COL11A2: variants seen among roughly 807,000 people sequenced by gnomAD.
The protein encoded by COL11A2 is collagen alpha-2(XI) chain.
A neutral mutation model predicts 273.4 loss-of-function variants in COL11A2; 116 were observed. The observed-to-expected ratio is 0.42, with a 90% CI of 0.36 to 0.49. COL11A2 has a LOEUF of 0.49. Among genes scored for constraint, COL11A2 ranks in the 20% least tolerant of loss-of-function variants. The pLI, the probability that COL11A2 is intolerant of heterozygous loss-of-function variation, is 0.00. For synonymous variants in COL11A2, 782 were observed against 864.2 expected, an observed-to-expected ratio of 0.90 and a Z score of 1.67; for missense variants, 1,866 against 2,309.0, an observed-to-expected ratio of 0.81 and a Z score of 3.93.
At position 33,166,066 on chromosome 6, in the gene COL11A2, T is replaced by G. The variant is rs1360761368; in HGVS notation, c.4429-82A>C. The G allele has an allele frequency of 1.2e-6, 2 of 1,606,390 alleles. No individual in the cohort carries two copies. Among genetic ancestry groups the G allele is most frequent in the Non-Finnish European group, 1.7e-6 (2 of 1,174,808 alleles). On this transcript the variant is annotated intron_variant, in intron 61 of 65. Coordinates refer to ENST00000341947, the MANE Select transcript of COL11A2 (RefSeq NM_080680.3). This position sits in a 1 kb window ranked among gnomAD's most constrained non-coding sequence, Gnocchi z 4.8. Reference sequence around the variant, plus strand: ...TCACAGAAAGATCAAATCAGCCTCCTGGCTGGAATAAGGGGCTCCTTGGGG... The same window carrying G: ...TCACAGAAAGATCAAATCAGCCTCCGGGCTGGAATAAGGGGCTCCTTGGGG...
Position 33,166,101 on chromosome 6 carries a change from T to C in COL11A2, c.4428+70A>G. The C allele has an allele frequency of 6.2e-7, 1 of 1,603,526 alleles. No homozygotes were observed. The highest frequency in any genetic ancestry group is 1.7e-5 in the Admixed American group (1 of 57,800). ...AAGGGGCTCCTTGGGGGGAGTCTAT[T>C]TGTCCTGGAGAGACATCATCAAGTC... On this transcript the variant is annotated intron_variant, in intron 61 of 65. Transcript: ENST00000341947. The surrounding 1 kb of genome is among the most constrained non-coding windows in gnomAD (Gnocchi z 4.8).
upstream of COL11A2, chr6:33,192,561 A>G: frequency 4.2e-6 from 2 of 473,582 alleles, no homozygotes; most frequent in Admixed American, 7.7e-5. Flanking sequence ...CACCGAAGGG[A>G]AACCCCACCC....
At position 33,178,965 on chromosome 6, in the gene COL11A2, T is replaced by A. The variant is rs376434760; in HGVS notation, c.1620A>T (p.Ala540=). ...GCATCCCTCGGGCTCCATCAGCACC[T>A]GCCCGGCCCTGGGAGAACAAGGGAA... ...PPGKAGRRGR[A]GADGARGMPG... Residue 540 remains alanine (A), a synonymous_variant, in exon 17 of 66, where the codon GCA becomes GCT. Coordinates refer to ENST00000341947, the MANE Select transcript of COL11A2 (RefSeq NM_080680.3). This position sits in a 1 kb window ranked among gnomAD's most constrained non-coding sequence, Gnocchi z 4.6. The A allele has an allele frequency of 6.2e-7, 1 of 1,614,058 alleles. No homozygotes were observed. The highest frequency in any genetic ancestry group is 8.5e-7 in the Non-Finnish European group (1 of 1,179,972).
In COL11A2 at chr6:33,178,121, G is replaced by C; in HGVS notation, c.1872+11C>G. The stretch of plus-strand genomic sequence containing the variant: ...GGTCACCTCAGGGTCAGAAGTCAGG[G>C]AGTCACTTACAGGGGGTCCAGGAAT... On this transcript the variant is annotated intron_variant, in intron 21 of 65. Transcript: ENST00000341947. The surrounding 1 kb of genome is among the most constrained non-coding windows in gnomAD (Gnocchi z 4.6). The C allele has an allele frequency of 6.2e-7, 1 of 1,606,596 alleles. No homozygotes were observed. The highest frequency in any genetic ancestry group is 8.5e-7 in the Non-Finnish European group (1 of 1,175,858).
intron 4 of COL11A2, among the ~76,000 whole-genome samples, chr6:33,188,071 G>A (rs1449337983): frequency 6.6e-6 from 1 of 151,890 alleles, no homozygotes; most frequent in Non-Finnish European, 1.5e-5. Flanking sequence ...TGAGGAGTGA[G>A]TGAATTGATG....
In COL11A2 at chr6:33,163,856, G is replaced by A. The variant is rs893527974; in HGVS notation, c.5071-38C>T. 29 of 1,612,702 alleles carry A rather than the reference G, an allele frequency of 1.8e-5. No individual in the cohort carries two copies. Among genetic ancestry groups the A allele is most frequent in the Non-Finnish European group, 2.5e-5 (29 of 1,179,874 alleles). ...ACAAGGAAGAAAGTGTGAGCAGGAT[G>A]GAGGCACCCCCCACCCTCTAACCTC... is the stretch of plus-strand genomic sequence containing the variant. On this transcript the variant is annotated intron_variant, in intron 65 of 65. Coordinates refer to ENST00000341947, the MANE Select transcript of COL11A2 (RefSeq NM_080680.3). The surrounding 1 kb of genome is among the most constrained non-coding windows in gnomAD (Gnocchi z 4.1).
rs191131813 is a variant in COL11A2 at position 33,170,214 on chromosome 6, G to A, written c.3582+112C>T. On this transcript the variant is annotated intron_variant, in intron 48 of 65. Transcript: ENST00000341947. The surrounding 1 kb of genome is among the most constrained non-coding windows in gnomAD (Gnocchi z 4.3). ...GCAGTGAGGCAGTGGAGGCCTCCCG[G>A]GAGTAAGGGCTTCTCTTGGCCCCTG... 5,308 of 1,572,974 alleles carry A rather than the reference G, an allele frequency of 3.4e-3. 105 individuals carry two copies. In the South Asian group the frequency reaches 0.037, roughly 11 times the overall value.
chr6:33,192,347 G>A lies in COL11A2; in HGVS notation c.-107C>T, dbSNP rs1773238255. 11 of 1,117,784 alleles carry A rather than the reference G, an allele frequency of 9.8e-6. No homozygotes were observed. Among genetic ancestry groups the A allele is most frequent in the African/African-American group, 1.5e-5 (1 of 64,652 alleles). The allele number at this position is 1,117,784 out of a possible 1,614,324, so 69.2% of individuals were successfully genotyped here. Reference sequence around the variant, plus strand: ...GAGCAGACTATGAGCCTCAGACGCCGGGGTCCCAGGGAGGTCAGAGGCTGC... The same window carrying A: ...GAGCAGACTATGAGCCTCAGACGCCAGGGTCCCAGGGAGGTCAGAGGCTGC... On this transcript the variant is annotated 5_prime_UTR_variant, in exon 1 of 66. Transcript: ENST00000341947.
intron 30 of COL11A2, 174 bp downstream of exon 30, chr6:33,175,400 A>G: frequency 1.4e-6 from 1 of 704,206 alleles, no homozygotes; most frequent in South Asian, 1.5e-5. Flanking sequence ...GACTTCTTAT[A>G]TATCCCCTCT....
At chr6:33,191,176 C>A (rs1027967836) in intron 1 of COL11A2, among the ~76,000 whole-genome samples, 3 of 152,336 alleles carry the variant, frequency 2.0e-5, no homozygotes, top group Admixed American at 1.3e-4. Context: ...AGTCTACAGG[C>A]ACCATACGCC....
chr6:33,174,349 C>A (rs1462674825), intron 31 of COL11A2, 131 bp from the exon 32 acceptor site: 5 of 1,411,858 alleles, frequency 3.5e-6, no homozygotes, highest in Non-Finnish European at 4.9e-6. Context: ...AACTAAGTGG[C>A]CTTGGACAAA....
chr6:33,191,601 G>A (rs1199879410), intron 1 of COL11A2, among the ~76,000 whole-genome samples: 1 of 152,256 alleles, frequency 6.6e-6, no homozygotes, highest in Non-Finnish European at 1.5e-5. Flanking sequence ...TTGGCAGCCA[G>A]CCCCAGTGCT....
chr6:33,192,585 G>C (rs911380858), upstream of COL11A2: 3 of 434,610 alleles, frequency 6.9e-6, no homozygotes, highest in African/African-American at 6.5e-5. Flanking sequence ...GTCTCCACCT[G>C]GGGAGGGAGG....
intron 52 of COL11A2, 46 bp from the exon 53 acceptor site, chr6:33,168,805 G>T (rs759053478): frequency 1.3e-6 from 2 of 1,599,232 alleles, no homozygotes; most frequent in Non-Finnish European, 1.7e-6. Context: ...AACCTGGCTG[G>T]CATCACCTCC....
At chr6:33,172,995 G>T in intron 38 of COL11A2, 65 bp downstream of exon 38, 1 of 1,548,996 alleles carries the variant, frequency 6.5e-7, no homozygotes, top group South Asian at 1.1e-5. Context: ...GTGTGACCGA[G>T]AGAAGAGGGG....
At chr6:33,185,082 T>C (rs1772222953) in intron 6 of COL11A2, 28 bp from the exon 7 acceptor site, 1 of 1,511,156 alleles carries the variant, frequency 6.6e-7, no homozygotes, top group Non-Finnish European at 9.0e-7. Context: ...AGGAGAAGAG[T>C]AGCACGGGGT....
rs1771259994 is a variant in COL11A2, at chr6:33,178,604, C to T, written c.1719+75G>A. On this transcript the variant is annotated intron_variant, in intron 18 of 65. Coordinates refer to ENST00000341947, the MANE Select transcript of COL11A2 (RefSeq NM_080680.3). The surrounding 1 kb of genome is among the most constrained non-coding windows in gnomAD (Gnocchi z 4.6). ...ACTGAGCTCCTGCCAAGCCTCCAGC[C>T]TCCCTTCCCTACCTATCCTCACTCC... 8.7e-6 allele frequency: 14 copies of T among 1,606,974 alleles called. No homozygotes were observed. The highest frequency in any genetic ancestry group is 1.2e-5 in the Non-Finnish European group (14 of 1,174,946).
intron 29 of COL11A2, 53 bp downstream of exon 29, chr6:33,175,963 A>C: frequency 1.2e-6 from 2 of 1,600,814 alleles, no homozygotes; most frequent in South Asian, 2.2e-5. Flanking sequence ...GCGTCTCCAG[A>C]GTGGAGGCTC....
At position 33,181,207 on chromosome 6, in the gene COL11A2, G is replaced by T. The variant is rs199604367; in HGVS notation, c.1120-37C>A. The T allele has an allele frequency of 1.5e-4, 247 of 1,608,618 alleles. 2 individuals are homozygous for T. In the African/African-American group the frequency reaches 2.7e-3, roughly 18 times the overall value. On this transcript the variant is annotated intron_variant, in intron 8 of 65. Coordinates refer to ENST00000341947, the MANE Select transcript of COL11A2 (RefSeq NM_080680.3). ...ACACATGTAGCCCCCAGTGGGGCCCGTGAGCAGCCAGGACACTAGGCCTTT... is the reference window on the plus strand; with the variant it reads ...ACACATGTAGCCCCCAGTGGGGCCCTTGAGCAGCCAGGACACTAGGCCTTT...
Sources: allele counts gnomAD v4.1 joint callset (sites outside exome capture counted in the v4.1 genomes callset), GRCh38; gene constraint gnomAD v4.1.1; non-coding constraint Gnocchi (gnomAD v3.1); transcripts MANE v1.5; gene names NCBI Gene and HGNC (gene_info 2026-07-23, HGNC 2026-07-21).